The following SYT9 variants were observed in gnomAD, a reference collection of about 807,000 sequenced individuals.
The protein encoded by SYT9 is synaptotagmin-9.
A neutral mutation model predicts 48.4 loss-of-function variants in SYT9; 22 were observed. The ratio of observed to expected loss-of-function variants is 0.45; its 90% confidence interval spans 0.32 to 0.65. SYT9 has a LOEUF of 0.65. Among genes scored for constraint, SYT9 ranks in the 30% least tolerant of loss-of-function variants. SYT9 has a pLI of 0.03. For missense variants in SYT9, 577 were observed against 622.0 expected (o/e 0.93, Z 0.77); for synonymous variants, 265 against 245.0 (o/e 1.08, Z -0.76).
At chr11:7,417,505 C>A (rs966631895) in intron 4 of SYT9, among the ~76,000 whole-genome samples, 1 of 152,140 alleles carries the variant, frequency 6.6e-6, no homozygotes, top group African/African-American at 2.4e-5. Context: ...AATTCCACTC[C>A]CAGATGTTCT....
intron 1 of SYT9, among the ~76,000 whole-genome samples, chr11:7,254,293 GA>G (rs1408347579): frequency 6.6e-6 from 1 of 152,146 alleles, no homozygotes; most frequent in African/African-American, 2.4e-5. Flanking sequence ...GTTTTTGTTG[GA>G]AAGTAGCCAG....
intron 3 of SYT9, among the ~76,000 whole-genome samples, chr11:7,382,872 A>G (rs1213627912): frequency 1.3e-5 from 2 of 152,198 alleles, no homozygotes. Flanking sequence ...TTCCCATCCC[A>G]TGGCCCTGTG....
intron 3 of SYT9, among the ~76,000 whole-genome samples, chr11:7,400,348 A>G (rs1382482714): frequency 2.0e-5 from 3 of 152,250 alleles, no homozygotes; most frequent in Non-Finnish European, 4.4e-5. Flanking sequence ...AAGTGAGGGA[A>G]GAAAATGCCT....
chr11:7,390,782 G>A (rs2134060016), intron 3 of SYT9, among the ~76,000 whole-genome samples: 1 of 152,260 alleles, frequency 6.6e-6, no homozygotes, highest in Admixed American at 6.5e-5. Flanking sequence ...ACAAGACAAA[G>A]ATATAGTCCT....
At chr11:7,348,335 A>C (rs752646045) in intron 3 of SYT9, among the ~76,000 whole-genome samples, 2 of 152,174 alleles carry the variant, frequency 1.3e-5, no homozygotes, top group Admixed American at 6.5e-5. Context: ...GGCCATCAGC[A>C]TGGCTTCACT....
chr11:7,245,469 C>T (rs1280916031), intron 1 of SYT9, among the ~76,000 whole-genome samples: 1 of 150,454 alleles, frequency 6.6e-6, no homozygotes, highest in Non-Finnish European at 1.5e-5. Context: ...GGTTCTATTC[C>T]GTCACCCACC....
chr11:7,250,592 CCTCT>C (rs1847851468), upstream of SYT9, among the ~76,000 whole-genome samples: 1 of 152,248 alleles, frequency 6.6e-6, no homozygotes, highest in African/African-American at 2.4e-5. Context: ...GTTTCTCCTC[CCTCT>C]GTTTGTCTCT....
intron 6 of SYT9, among the ~76,000 whole-genome samples, chr11:7,452,118 A>AACACACACACACACACACAC (rs142000557): frequency 2.1e-3 from 307 of 147,628 alleles, no homozygotes; most frequent in African/African-American, 4.6e-3. Context: ...TTATATTTAA[A>AACACACACACACACACACAC]ACACACACAC....
intron 1 of SYT9, among the ~76,000 whole-genome samples, chr11:7,263,126 A>C (rs10743013): frequency 0.49 from 75,086 of 151,970 alleles, 19,228 homozygotes; most frequent in Non-Finnish European, 0.56. Context: ...AAAACCAAAA[A>C]ATCTAGATGA....
intron 3 of SYT9, among the ~76,000 whole-genome samples, chr11:7,404,470 G>T (rs1033463087): frequency 2.6e-5 from 4 of 151,760 alleles, no homozygotes; most frequent in Admixed American, 2.6e-4. Flanking sequence ...ATAACTCCTT[G>T]TTTTATTTTA....
chr11:7,348,688 C>CTTTTTTTTTT (rs34752256), intron 3 of SYT9, among the ~76,000 whole-genome samples: 575 of 47,112 alleles, frequency 0.012, 62 homozygotes, highest in African/African-American at 0.014. Flanking sequence ...ATCAGACCTC[C>CTTTTTTTTTT]TTTTTTTTTT....
intron 3 of SYT9, among the ~76,000 whole-genome samples, chr11:7,405,189 G>A (rs1197205086): frequency 1.3e-5 from 2 of 151,050 alleles, no homozygotes; most frequent in Non-Finnish European, 2.9e-5. Flanking sequence ...AAGCATTTCT[G>A]TGTAAATCAG....
At chr11:7,362,675 T>C (rs1850165514) in intron 3 of SYT9, among the ~76,000 whole-genome samples, 1 of 152,116 alleles carries the variant, frequency 6.6e-6, no homozygotes, top group African/African-American at 2.4e-5. Context: ...CTTTCCAACA[T>C]TATATGAACT....
intron 3 of SYT9, among the ~76,000 whole-genome samples, chr11:7,408,467 C>G (rs571552044): frequency 5.9e-5 from 9 of 152,328 alleles, no homozygotes; most frequent in African/African-American, 2.2e-4. Context: ...TCTTCTGATC[C>G]ATGAGCATGG....
chr11:7,415,986 C>G (rs1451016066), intron 3 of SYT9, 56 bp from the exon 4 acceptor site: 45 of 1,611,416 alleles, frequency 2.8e-5, no homozygotes, highest in Non-Finnish European at 3.6e-5. Context: ...AGCTGAGCCT[C>G]TTGCACACCA....
chr11:7,403,089 G>A (rs769520270), intron 3 of SYT9, among the ~76,000 whole-genome samples: 1 of 152,016 alleles, frequency 6.6e-6, no homozygotes, highest in Admixed American at 6.6e-5. Flanking sequence ...CAGAAGCTGA[G>A]GTTATTGACA....
chr11:7,328,603 C>T (rs149347823), intron 3 of SYT9, among the ~76,000 whole-genome samples: 45 of 152,122 alleles, frequency 3.0e-4, no homozygotes, highest in Non-Finnish European at 5.4e-4. Context: ...CCTATCTTGC[C>T]GTGGTTTTCT....
At chr11:7,261,105 T>TA (rs1247026374) in intron 1 of SYT9, among the ~76,000 whole-genome samples, 2 of 152,192 alleles carry the variant, frequency 1.3e-5, no homozygotes, top group Non-Finnish European at 2.9e-5. Context: ...GGCATAATTT[T>TA]AAAAAATAAT....
chr11:7,366,616 T>A (rs1850248883), intron 3 of SYT9, among the ~76,000 whole-genome samples: 1 of 152,310 alleles, frequency 6.6e-6, no homozygotes, highest in East Asian at 1.9e-4. Context: ...ATTTCATGTT[T>A]ATTACTATTA....
Sources: allele counts gnomAD v4.1 joint callset (sites outside exome capture counted in the v4.1 genomes callset), GRCh38; gene constraint gnomAD v4.1.1; transcripts MANE v1.5; gene names NCBI Gene and HGNC (gene_info 2026-07-23, HGNC 2026-07-21).